COL7A1: variants seen among roughly 807,000 people sequenced by gnomAD.
COL7A1 encodes collagen alpha-1(VII) chain.
Under a neutral mutation model 456.2 loss-of-function variants are expected in COL7A1, and 296 were observed. The ratio of observed to expected loss-of-function variants is 0.65; its 90% CI spans 0.59 to 0.71. The LOEUF (loss-of-function observed/expected upper bound fraction) is 0.71. COL7A1 is among the 30% of genes least tolerant of loss of function. The pLI is 0.00. For synonymous variants in COL7A1, 1,464 were observed against 1,525.9 expected, an observed-to-expected ratio of 0.96 and a Z score of 0.95; for missense variants, 3,441 against 4,017.2, an observed-to-expected ratio of 0.86 and a Z score of 3.88.
chr3:48,575,348 T>G lies in COL7A1; in HGVS notation c.6171A>C (p.Pro2057=), dbSNP rs763064296. 7 of 1,368,532 alleles carry G rather than the reference T, an allele frequency of 5.1e-6. No individual in the cohort carries two copies. In the Admixed American group the frequency reaches 9.6e-5, roughly 19 times the overall value. The allele number at this position is 1,368,532 out of a possible 1,614,324, so 84.8% of individuals were successfully genotyped here. ...RAGGVGEAGR[P]GERGERGEKG... ...CAGCCCCCAGCCTCACCCTCTCTCC[T>G]GGCCTTCCTGCCTCTCCCACACCCC... Residue 2057 remains proline, a synonymous_variant, in exon 74 of 119, where the codon CCA becomes CCC. Transcript: ENST00000681320. This position sits in a 1 kb window ranked among gnomAD's most constrained non-coding sequence, Gnocchi z 6.3.
Position 48,574,577 on chromosome 3 carries a change from C to T in COL7A1, c.6394-27G>A. 1 of 1,613,824 alleles carries T rather than the reference C, an allele frequency of 6.2e-7. No individual in the cohort carries two copies. Among genetic ancestry groups the T allele is most frequent in the Admixed American group, 1.7e-5 (1 of 60,012 alleles). ...TGAAGGCAGAGTGTCGTGCCCTGAGCCCCCAGTCCCTGCCACGTGCCCAGG... is the reference window on the plus strand; with the variant it reads ...TGAAGGCAGAGTGTCGTGCCCTGAGTCCCCAGTCCCTGCCACGTGCCCAGG... On this transcript the variant is annotated intron_variant, in intron 78 of 118. Coordinates refer to ENST00000681320, the MANE Select transcript of COL7A1 (RefSeq NM_000094.4). The surrounding 1 kb of genome is among the most constrained non-coding windows in gnomAD (Gnocchi z 5.0).
At position 48,567,493 on chromosome 3, in the gene COL7A1, C is replaced by T; in HGVS notation, c.8046+81G>A. 2 of 1,586,388 alleles carry T rather than the reference C, an allele frequency of 1.3e-6. No homozygotes were observed. The highest frequency in any genetic ancestry group is 1.1e-5 in the South Asian group (1 of 90,498). ...CCAACCCTCTACAGCCTTCCTTGTC[C>T]CTACACCCCCATGACCCGACCATGA... On this transcript the variant is annotated intron_variant, in intron 109 of 118. Transcript: ENST00000681320. This position sits in a 1 kb window ranked among gnomAD's most constrained non-coding sequence, Gnocchi z 4.3.
Position 48,580,824 on chromosome 3 carries a change from C to T in COL7A1, c.4980+58G>A. ...CACCCCTTACCCCCCTCAGCCTTTC[C>T]TATCACCTTCATGCCCACCTCCCAT... On this transcript the variant is annotated intron_variant, in intron 54 of 118. Coordinates refer to ENST00000681320, the MANE Select transcript of COL7A1 (RefSeq NM_000094.4). The surrounding 1 kb of genome is among the most constrained non-coding windows in gnomAD (Gnocchi z 4.5). 1 of 1,610,342 alleles carries T rather than the reference C, an allele frequency of 6.2e-7. No homozygotes were observed.
chr3:48,582,123 T>G (rs1217095637), intron 47 of COL7A1, among the ~76,000 whole-genome samples, 180 bp from the exon 48 acceptor site: 4 of 152,102 alleles, frequency 2.6e-5, no homozygotes, highest in Non-Finnish European at 5.9e-5. Context: ...CACAAAGAGC[T>G]CATGACCTGC....
chr3:48,580,238 A>G lies in COL7A1; in HGVS notation c.5097+62T>C. ...CTCCAGACCCCTTGTGTGAAGGCACACTGGCAGCAGCGCCAGGGGACCCTC... is the reference window on the plus strand; with the variant it reads ...CTCCAGACCCCTTGTGTGAAGGCACGCTGGCAGCAGCGCCAGGGGACCCTC... On this transcript the variant is annotated intron_variant, in intron 56 of 118. Coordinates refer to ENST00000681320, the MANE Select transcript of COL7A1 (RefSeq NM_000094.4). This position sits in a 1 kb window ranked among gnomAD's most constrained non-coding sequence, Gnocchi z 4.5. 2 of 1,584,804 alleles carry G rather than the reference A, an allele frequency of 1.3e-6. No individual in the cohort carries two copies. Among genetic ancestry groups the G allele is most frequent in the East Asian group, 4.6e-5 (2 of 43,868 alleles).
Position 48,583,477 on chromosome 3 carries a change from G to A in COL7A1, c.4402-49C>T. Reference sequence around the variant, plus strand: ...TCAGAGATTTGGGTTTGGGCATGAGGATGGAGCAGTGGTTGATGATTGAGG... The same window carrying A: ...TCAGAGATTTGGGTTTGGGCATGAGAATGGAGCAGTGGTTGATGATTGAGG... On this transcript the variant is annotated intron_variant, in intron 41 of 118. Coordinates refer to ENST00000681320, the MANE Select transcript of COL7A1 (RefSeq NM_000094.4). The surrounding 1 kb of genome is among the most constrained non-coding windows in gnomAD (Gnocchi z 5.1). 6.2e-7 allele frequency: 1 copy of A among 1,614,018 alleles called. No homozygotes were observed. The highest frequency in any genetic ancestry group is 8.5e-7 in the Non-Finnish European group (1 of 1,179,948).
At position 48,593,747 on chromosome 3, in the gene COL7A1, C is replaced by T. The variant is rs540178588; in HGVS notation, c.267-51G>A. ...GGCTAGGACTCAGGATCTCTTCTGGCCCTGGCCTTGAGGAGGCCTCTAGGG... is the reference window on the plus strand; with the variant it reads ...GGCTAGGACTCAGGATCTCTTCTGGTCCTGGCCTTGAGGAGGCCTCTAGGG... On this transcript the variant is annotated intron_variant, in intron 3 of 118. Coordinates refer to ENST00000681320, the MANE Select transcript of COL7A1 (RefSeq NM_000094.4). This position sits in a 1 kb window ranked among gnomAD's most constrained non-coding sequence, Gnocchi z 4.4. 1.6e-5 allele frequency: 26 copies of T among 1,612,452 alleles called. No individual in the cohort carries two copies. The highest frequency in any genetic ancestry group is 1.2e-4 in the Admixed American group (7 of 60,028).
At position 48,568,693 on chromosome 3, in the gene COL7A1, C is replaced by A; in HGVS notation, c.7758+91G>T. On this transcript the variant is annotated intron_variant, in intron 104 of 118. Transcript: ENST00000681320. This position sits in a 1 kb window ranked among gnomAD's most constrained non-coding sequence, Gnocchi z 5.2. ...GGGGCCGGCAGCAAGGGAGCCAGAA[C>A]CCCCAGCACTTAAGAGGACCCCCAG... 6 of 1,485,724 alleles carry A rather than the reference C, an allele frequency of 4.0e-6. No homozygotes were observed. The Admixed American group carries it at 7.9e-5, about 20-fold the overall frequency. The allele number at this position is 1,485,724 out of a possible 1,614,324, so 92.0% of individuals were successfully genotyped here.
At position 48,566,979 on chromosome 3, in the gene COL7A1, A is replaced by G. The variant is rs2107632707; in HGVS notation, c.8154T>C (p.Asp2718=). Residue 2718 remains aspartate (D), a synonymous_variant, in exon 111 of 119, where the codon GAT becomes GAC. Transcript: ENST00000681320. The surrounding 1 kb of genome is among the most constrained non-coding windows in gnomAD (Gnocchi z 5.9). The part of the protein sequence containing the change: ...IGGFPGPSGN[D]GSAGPPGPPG... ...GTGGCCCTGGGGGACCAGCAGAGCCATCATTTCCACTGGGGCCTGGGAAGC... is the reference window on the plus strand; with the variant it reads ...GTGGCCCTGGGGGACCAGCAGAGCCGTCATTTCCACTGGGGCCTGGGAAGC... 1 of 1,611,768 alleles carries G rather than the reference A, an allele frequency of 6.2e-7. No homozygotes were observed. Among genetic ancestry groups the G allele is most frequent in the Non-Finnish European group, 8.5e-7 (1 of 1,178,260 alleles).
At chr3:48,576,478 G>C in intron 69 of COL7A1, 43 bp from the exon 70 acceptor site, 1 of 1,612,786 alleles carries the variant, frequency 6.2e-7, no homozygotes, top group Non-Finnish European at 8.5e-7. Flanking sequence ...CCCCCAGCCT[G>C]GTCAGCCCCC....
rs773180240 is a variant in COL7A1, at chr3:48,577,016, C to T, written c.5544G>A (p.Gly1848=). Reference sequence around the variant, plus strand: ...CCTTCCTCCCGTCTTCTCCAGGGTCCCCAGGTTCTCCCTGTGGGCAGAGGA... The same window carrying T: ...CCTTCCTCCCGTCTTCTCCAGGGTCTCCAGGTTCTCCCTGTGGGCAGAGGA... The part of the protein sequence containing the change: ...PGLNGKNGEP[G]DPGEDGRKGE... The change falls in exon 66 of 119, where the codon GGG becomes GGA. Residue 1848 remains glycine, a synonymous_variant. Transcript: ENST00000681320. 6.2e-7 allele frequency: 1 copy of T among 1,613,952 alleles called. No homozygotes were observed. The highest frequency in any genetic ancestry group is 1.3e-5 in the African/African-American group (1 of 75,056).
At position 48,578,376 on chromosome 3, in the gene COL7A1, A is replaced by G; in HGVS notation, c.5488-11T>C. On this transcript the variant is annotated splice_polypyrimidine_tract_variant and intron_variant, in intron 64 of 118. Transcript: ENST00000681320. This position sits in a 1 kb window ranked among gnomAD's most constrained non-coding sequence, Gnocchi z 4.7. ...CTCGCCTGGCTTTCCCTGTGGGAACAGATCACTGGTTGGATGTCGGGGATC... is the reference window on the plus strand; with the variant it reads ...CTCGCCTGGCTTTCCCTGTGGGAACGGATCACTGGTTGGATGTCGGGGATC... 1 of 1,613,458 alleles carries G rather than the reference A, an allele frequency of 6.2e-7. No homozygotes were observed. Among genetic ancestry groups the G allele is most frequent in the Non-Finnish European group, 8.5e-7 (1 of 1,180,022 alleles).
Position 48,565,488 on chromosome 3 carries a change from G to A in COL7A1, c.8449C>T (p.Pro2817Ser). ...CCGGCAGTGTCTGCAGCATAACTAG[G>A]GAGGGGTCCTGGAGCCAAGAGCAGG... is the stretch of plus-strand genomic sequence containing the variant. ...QFIASGSRPL[P>S]SYAADTAGSQ... Residue 2817 changes from proline (P) to serine (S), a missense_variant, in exon 116 of 119, where the codon CCT (proline) becomes TCT (serine). Physicochemically the swap from Pro to Ser is moderately conservative, Grantham distance 74 (BLOSUM62 -1). Around this residue, in one of 3 missense-constraint regions of COL7A1, gnomAD observed 2,084 missense variants for 2,501.3 expected, o/e 0.83. Coordinates refer to ENST00000681320, the MANE Select transcript of COL7A1 (RefSeq NM_000094.4). This position sits in a 1 kb window ranked among gnomAD's most constrained non-coding sequence, Gnocchi z 4.5. 1 of 1,613,632 alleles carries A rather than the reference G, an allele frequency of 6.2e-7. No homozygotes were observed.
At position 48,591,766 on chromosome 3, in the gene COL7A1, C is replaced by A. The variant is rs1403869703; in HGVS notation, c.1414G>T (p.Asp472Tyr). 1.9e-5 allele frequency: 30 copies of A among 1,614,068 alleles called. No individual in the cohort carries two copies. The highest frequency in any genetic ancestry group is 2.5e-5 in the Non-Finnish European group (30 of 1,180,040). The change falls in exon 12 of 119, where the codon GAT becomes TAT. Residue 472 changes from aspartate to tyrosine, a missense_variant. Asp to Tyr is a radical substitution (Grantham distance 160). This residue lies in a region of COL7A1 where 913 missense variants were observed against 1,088.2 expected (regional missense o/e 0.84). Transcript: ENST00000681320. This position sits in a 1 kb window ranked among gnomAD's most constrained non-coding sequence, Gnocchi z 7.0. The stretch of plus-strand genomic sequence containing the variant: ...TACTCAGTGCCCGGCTGCAGCCCAT[C>A]CAACTGGTAGCGGGTCACATCAGAG... Reference protein sequence around the residue: ...LPSDVTRYQLDGLQPGTEYRL... With the variant: ...LPSDVTRYQLYGLQPGTEYRL...
chr3:48,583,014 CGGGATCCCGCT>C lies in COL7A1; in HGVS notation c.4506_4516del (p.Ala1503GlyfsTer15), dbSNP rs1267995796. On this transcript the variant is annotated frameshift_variant and splice_region_variant, in exon 44 of 119. Transcript: ENST00000681320. LOFTEE classifies it high-confidence loss of function. This position sits in a 1 kb window ranked among gnomAD's most constrained non-coding sequence, Gnocchi z 5.1. ...GAGCATTGCAGCCAGTGGGTTTACC[CGGGATCCCGCT>C]GGGCCTGGGGGTCCACGTTCGCCCT... 1.9e-6 allele frequency: 3 copies of C among 1,613,876 alleles called. No homozygotes were observed. The African/African-American group carries it at 4.0e-5, about 22-fold the overall frequency.
At position 48,595,256 on chromosome 3, in the gene COL7A1, T is replaced by A; in HGVS notation, c.-2+12A>T. 1 of 1,041,442 alleles carries A rather than the reference T, an allele frequency of 9.6e-7. No homozygotes were observed. 64.5% of individuals were successfully genotyped at this position (1,041,442 alleles called of 1,614,324 possible). A position where few individuals can be genotyped will look rare whatever the true frequency, so the allele number is the denominator to read the frequency against. On this transcript the variant is annotated intron_variant, in intron 1 of 118. Transcript: ENST00000681320. Reference sequence around the variant, plus strand: ...GAGCCCAGCGCCCCTCCAGCCCGAGTCCTGGTCTTGCCTGCGCGTCCGCCC... The same window carrying A: ...GAGCCCAGCGCCCCTCCAGCCCGAGACCTGGTCTTGCCTGCGCGTCCGCCC...
In COL7A1 at chr3:48,585,511, G is replaced by C; in HGVS notation, c.3894+46C>G. The C allele has an allele frequency of 6.3e-7, 1 of 1,586,768 alleles. No homozygotes were observed. The highest frequency in any genetic ancestry group is 1.1e-5 in the South Asian group (1 of 90,592). ...TCTCTCTTGTAAAAACCCCGAGACA[G>C]CTTTGAGGAGTGCCTCAGAGAAACC... On this transcript the variant is annotated intron_variant, in intron 32 of 118. Transcript: ENST00000681320. This position sits in a 1 kb window ranked among gnomAD's most constrained non-coding sequence, Gnocchi z 4.5.
In COL7A1 at chr3:48,568,472, G is replaced by A. The variant is rs776181254; in HGVS notation, c.7794+27C>T. 2 of 1,590,458 alleles carry A rather than the reference G, an allele frequency of 1.3e-6. No individual in the cohort carries two copies. Among genetic ancestry groups the A allele is most frequent in the East Asian group, 4.5e-5 (2 of 44,436 alleles). On this transcript the variant is annotated intron_variant, in intron 105 of 118. Transcript: ENST00000681320. The surrounding 1 kb of genome is among the most constrained non-coding windows in gnomAD (Gnocchi z 5.2). ...GACGGGGGCCCTCTGGGGACAGGGG[G>A]CCCCTGTGGGAGCAGGGGCATCTTA... is the stretch of plus-strand genomic sequence containing the variant.
rs369025917 is a variant in COL7A1, at chr3:48,570,542, C to A, written c.7345-42G>T. 8.1e-6 allele frequency: 13 copies of A among 1,613,934 alleles called. No homozygotes were observed. Among genetic ancestry groups the A allele is most frequent in the Non-Finnish European group, 1.1e-5 (13 of 1,179,884 alleles). The stretch of plus-strand genomic sequence containing the variant: ...GGTGAGGGTCCTGTGGCTCTCAAAG[C>A]GCCTCCCCCAACACCCCACAGTGTG... On this transcript the variant is annotated intron_variant, in intron 96 of 118. Transcript: ENST00000681320. This position sits in a 1 kb window ranked among gnomAD's most constrained non-coding sequence, Gnocchi z 5.5.
Sources: allele counts gnomAD v4.1 joint callset (sites outside exome capture counted in the v4.1 genomes callset), GRCh38; gene constraint gnomAD v4.1.1; regional missense constraint gnomAD v4.1.1; non-coding constraint Gnocchi (gnomAD v3.1); transcripts MANE v1.5; gene names NCBI Gene and HGNC (gene_info 2026-07-23, HGNC 2026-07-21).